The following COL22A1 variants were observed in gnomAD, a reference collection of about 807,000 sequenced individuals.
COL22A1 encodes the protein collagen type XXII alpha 1 chain.
COL22A1 carries 221 observed loss-of-function variants against 248.9 expected under a neutral mutation model. The observed-to-expected ratio is 0.89, with a 90% CI of 0.80 to 0.99. COL22A1 has a LOEUF of 0.99. COL22A1 is among the 50% of genes least tolerant of loss of function. The pLI, the probability that COL22A1 is intolerant of heterozygous loss-of-function variation, is 0.00. For missense variants in COL22A1, 2,240 were observed against 2,179.0 expected, an observed-to-expected ratio of 1.03 and a Z score of -0.56; for synonymous variants, 891 against 793.4, an observed-to-expected ratio of 1.12 and a Z score of -2.07.
In COL22A1 at chr8:138,864,680, G is replaced by A. The variant is rs1004220483; in HGVS notation, c.658+13070C>T. ...TAGGCTGCTCTGGTTAGGGCCGATCGGAGTGCAGAGCCAGATCTGGCCCAG... is the reference window on the plus strand; with the variant it reads ...TAGGCTGCTCTGGTTAGGGCCGATCAGAGTGCAGAGCCAGATCTGGCCCAG... On this transcript the variant is annotated intron_variant, in intron 3 of 64. Transcript: ENST00000303045. 1.2e-4 allele frequency among the ~76,000 whole-genome samples: 19 copies of A among 152,244 alleles called. No homozygotes were observed. In the East Asian group the frequency reaches 2.5e-3, roughly 20 times the overall value.
In COL22A1 at chr8:138,901,170, C is replaced by CA. The variant is rs35437692; in HGVS notation, c.-73+12448dup. The stretch of plus-strand genomic sequence containing the variant: ...GTTTCATTAAAAGCACCACTGCTTT[C>CA]AAAAAAAAAAAAAAAGCAAAGACTC... On this transcript the variant is annotated intron_variant, in intron 1 of 64. Coordinates refer to ENST00000303045, the MANE Select transcript of COL22A1 (RefSeq NM_152888.3). Among the ~76,000 whole-genome samples, 328 of 109,864 alleles carry CA rather than the reference C, an allele frequency of 3.0e-3. 1 individual carries two copies. The highest frequency in any genetic ancestry group is 0.016 in the South Asian group (53 of 3,252). The allele number at this position is 109,864 out of a possible 152,430, so 72.1% of individuals were successfully genotyped here. A position where few individuals can be genotyped will look rare whatever the true frequency, so the allele number is the denominator to read the frequency against.
At chr8:138,633,271 TA>T (rs1240396829) in intron 49 of COL22A1, among the ~76,000 whole-genome samples, 4 of 152,224 alleles carry the variant, frequency 2.6e-5, no homozygotes, top group Non-Finnish European at 5.9e-5. Context: ...AGAAGCTCAA[TA>T]AACATCTGCC....
chr8:138,735,051 C>A (rs555167538), intron 23 of COL22A1, among the ~76,000 whole-genome samples: 77 of 152,240 alleles, frequency 5.1e-4, no homozygotes, highest in Non-Finnish European at 9.4e-4. Context: ...AGCATTAGGA[C>A]AAATACCTAA....
At chr8:138,868,059 G>A (rs1814949) in intron 3 of COL22A1, among the ~76,000 whole-genome samples, 6,619 of 152,236 alleles carry the variant, frequency 0.043, 352 homozygotes, top group African/African-American at 0.13. Context: ...CACCGCACCC[G>A]GCCTATTGTC....
At chr8:138,724,306 G>A (rs945132640) in intron 25 of COL22A1, among the ~76,000 whole-genome samples, 2 of 152,214 alleles carry the variant, frequency 1.3e-5, no homozygotes, top group Non-Finnish European at 2.9e-5. Flanking sequence ...AAGCGGTCAT[G>A]CCTTCAGCAG....
intron 46 of COL22A1, among the ~76,000 whole-genome samples, chr8:138,648,457 T>C (rs1389469093): frequency 2.0e-5 from 3 of 152,374 alleles, no homozygotes; most frequent in Middle Eastern, 3.4e-3. Context: ...ACTCTCTCTT[T>C]TTTGAAAAGA....
At chr8:138,652,634 C>T (rs1195866166) in intron 45 of COL22A1, among the ~76,000 whole-genome samples, 11 of 151,316 alleles carry the variant, frequency 7.3e-5, no homozygotes. Context: ...ATACAAAGTG[C>T]CTAGCATATT....
At chr8:138,616,705 C>T (rs1819349514) in intron 54 of COL22A1, among the ~76,000 whole-genome samples, 1 of 152,194 alleles carries the variant, frequency 6.6e-6, no homozygotes, top group Non-Finnish European at 1.5e-5. Flanking sequence ...TGATGTCTGG[C>T]CCCCAGAAAA....
intron 3 of COL22A1, among the ~76,000 whole-genome samples, chr8:138,870,525 CAT>C (rs1469973562): frequency 6.6e-6 from 1 of 150,490 alleles, no homozygotes; most frequent in Non-Finnish European, 1.5e-5. Flanking sequence ...TGTTTGTGCA[CAT>C]GTGCCTAGAT....
At chr8:138,846,080 A>G (rs1454553921) in intron 3 of COL22A1, among the ~76,000 whole-genome samples, 1 of 152,152 alleles carries the variant, frequency 6.6e-6, no homozygotes, top group Non-Finnish European at 1.5e-5. Flanking sequence ...TCTGACAAGC[A>G]TCATGGAAGG....
chr8:138,875,423 C>G (rs1823641601), intron 3 of COL22A1, among the ~76,000 whole-genome samples: 2 of 152,116 alleles, frequency 1.3e-5, no homozygotes, highest in Non-Finnish European at 2.9e-5. Flanking sequence ...CCAAGACTGT[C>G]AGGATGGCAA....
At chr8:138,788,647 T>C (rs1563764899) in intron 12 of COL22A1, among the ~76,000 whole-genome samples, 1 of 152,050 alleles carries the variant, frequency 6.6e-6, no homozygotes, top group Non-Finnish European at 1.5e-5. Context: ...TCCTCCTCAG[T>C]GGGGAGGCTG....
chr8:138,636,881 T>C, intron 47 of COL22A1, 86 bp from the exon 48 acceptor site: 2 of 1,105,048 alleles, frequency 1.8e-6, no homozygotes, highest in Non-Finnish European at 2.8e-6. Context: ...CATTCATCCA[T>C]TCATTAATTC....
intron 3 of COL22A1, among the ~76,000 whole-genome samples, chr8:138,872,433 G>A (rs892182898): frequency 4.6e-5 from 7 of 152,330 alleles, no homozygotes; most frequent in Non-Finnish European, 7.3e-5. Flanking sequence ...CTCCCTGGCT[G>A]TGGGGACAGG....
At chr8:138,713,935 C>T (rs776373948) in intron 30 of COL22A1, among the ~76,000 whole-genome samples, 6 of 152,126 alleles carry the variant, frequency 3.9e-5, no homozygotes, top group Non-Finnish European at 8.8e-5. Flanking sequence ...GGGGCTGGGA[C>T]CAGGGATCCA....
intron 52 of COL22A1, among the ~76,000 whole-genome samples, chr8:138,623,339 T>C (rs1017065650): frequency 2.0e-5 from 3 of 151,212 alleles, no homozygotes; most frequent in African/African-American, 7.3e-5. Flanking sequence ...ACTCAGATTT[T>C]ACTAGGTATC....
chr8:138,618,189 A>G (rs1440888386), intron 53 of COL22A1, among the ~76,000 whole-genome samples: 1 of 152,242 alleles, frequency 6.6e-6, no homozygotes, highest in East Asian at 1.9e-4. Context: ...ATAGAAGAAG[A>G]AACAGGGGTT....
intron 42 of COL22A1, among the ~76,000 whole-genome samples, chr8:138,663,015 C>CACACA: frequency 6.7e-6 from 1 of 150,170 alleles, no homozygotes; most frequent in Non-Finnish European, 1.5e-5. Context: ...GACTCTGTCA[C>CACACA]TCACACACAC....
At chr8:138,822,451 C>G (rs1819224730) in intron 6 of COL22A1, among the ~76,000 whole-genome samples, 1 of 152,176 alleles carries the variant, frequency 6.6e-6, no homozygotes. Context: ...GCCCAGCAGG[C>G]AACATGCCAG....
Sources: gnomAD v4.1 joint callset for allele counts (sites outside exome capture counted in the v4.1 genomes callset) on GRCh38, gnomAD v4.1.1 for gene constraint, MANE v1.5 for transcripts, NCBI Gene and HGNC (gene_info 2026-07-23, HGNC 2026-07-21) for gene names.